RARS2: variants seen among roughly 807,000 people sequenced by gnomAD.
The protein encoded by RARS2 is probable arginine--tRNA ligase, mitochondrial.
In RARS2, 67 loss-of-function variants were observed where a neutral mutation model predicts 88.5. The observed-to-expected ratio is 0.76, with a 90% CI of 0.62 to 0.93. The LOEUF (loss-of-function observed/expected upper bound fraction) is 0.93. Among genes scored for constraint, RARS2 ranks in the 40% least tolerant of loss-of-function variants. The pLI is 0.00. For synonymous variants in RARS2, 239 were observed against 230.3 expected, an observed-to-expected ratio of 1.04 and a Z score of -0.34; for missense variants, 664 against 684.2, an observed-to-expected ratio of 0.97 and a Z score of 0.33.
At chr6:87,580,431 AGT>A (rs1773128229) in intron 1 of RARS2, among the ~76,000 whole-genome samples, 1 of 152,024 alleles carries the variant, frequency 6.6e-6, no homozygotes, top group Non-Finnish European at 1.5e-5. Flanking sequence ...GTCCTTGAGA[AGT>A]AAACTAAACA....
At chr6:87,562,604 C>A (rs764864060) in intron 4 of RARS2, 98 bp downstream of exon 4, 15 of 873,300 alleles carry the variant, frequency 1.7e-5, no homozygotes, top group Non-Finnish European at 2.7e-5. Flanking sequence ...GGTTTTGAGG[C>A]CAGAGGAGGC....
At chr6:87,537,020 A>G (rs139382530) in intron 8 of RARS2, among the ~76,000 whole-genome samples, 137 of 152,364 alleles carry the variant, frequency 9.0e-4, no homozygotes, top group Middle Eastern at 3.4e-3. Flanking sequence ...TGGGTGTTAA[A>G]TATTTTCATC....
intron 3 of RARS2, 117 bp from the exon 4 acceptor site, chr6:87,562,902 T>C (rs1788286448): frequency 1.3e-6 from 1 of 761,682 alleles, no homozygotes; most frequent in South Asian, 1.4e-5. Flanking sequence ...TCATGGTCCC[T>C]ATATCGGGTC....
Position 87,556,453 on chromosome 6 carries a change from C to T in RARS2, c.298-948G>A, listed in dbSNP as rs536546569. ...ACCACCTCAGCCTCCAGAGTAGCTG[C>T]GACTACAGGTACATGCTACCACACC... On this transcript the variant is annotated intron_variant, in intron 4 of 19. Coordinates refer to ENST00000369536, the MANE Select transcript of RARS2 (RefSeq NM_020320.5). 5.3e-5 allele frequency among the ~76,000 whole-genome samples: 8 copies of T among 151,956 alleles called. No individual in the cohort carries two copies. In the South Asian group the frequency reaches 1.2e-3, roughly 24 times the overall value.
intron 12 of RARS2, among the ~76,000 whole-genome samples, chr6:87,520,880 AG>A (rs1245616636): frequency 6.6e-6 from 1 of 152,226 alleles, no homozygotes; most frequent in Admixed American, 6.5e-5. Context: ...GCTGACCACG[AG>A]GGAGTTTGTT....
intron 9 of RARS2, among the ~76,000 whole-genome samples, 189 bp from the exon 10 acceptor site, chr6:87,529,837 C>T (rs1776876406): frequency 6.6e-6 from 1 of 151,940 alleles, no homozygotes; most frequent in Admixed American, 6.6e-5. Context: ...AGGAGGATCA[C>T]TTGCGCCCAG....
intron 1 of RARS2, among the ~76,000 whole-genome samples, chr6:87,571,437 T>C (rs996966755): frequency 1.3e-5 from 2 of 152,138 alleles, no homozygotes; most frequent in African/African-American, 4.8e-5. Context: ...CTAATACACA[T>C]ATGTATATCC....
chr6:87,564,080 T>A (rs1033281851), intron 3 of RARS2, 50 bp downstream of exon 3: 11 of 1,432,476 alleles, frequency 7.7e-6, no homozygotes, highest in Admixed American at 3.4e-5. Flanking sequence ...GTACTTTTTT[T>A]AATAACAAGT....
intron 11 of RARS2, among the ~76,000 whole-genome samples, chr6:87,522,556 T>C (rs1008289817): frequency 1.9e-4 from 29 of 152,180 alleles, no homozygotes; most frequent in African/African-American, 5.3e-4. Context: ...AATTTCTCGA[T>C]CTTTCAAAAT....
chr6:87,576,105 A>G (rs1771439547), intron 1 of RARS2, among the ~76,000 whole-genome samples: 1 of 121,440 alleles, frequency 8.2e-6, no homozygotes, highest in African/African-American at 3.0e-5. Flanking sequence ...CAGCTGGATA[A>G]GTCTTCTTTA....
intron 13 of RARS2, among the ~76,000 whole-genome samples, 183 bp from the exon 14 acceptor site, chr6:87,519,890 C>A (rs1288408027): frequency 1.3e-5 from 2 of 152,172 alleles, no homozygotes; most frequent in Non-Finnish European, 2.9e-5. Flanking sequence ...ACTTTATAAT[C>A]ACCAGCATGT....
rs1775117881 is a variant in RARS2 at position 87,524,767 on chromosome 6, G to A, written c.879-115C>T. 8 of 748,634 alleles carry A rather than the reference G, an allele frequency of 1.1e-5. No homozygotes were observed. In the South Asian group the frequency reaches 1.2e-4, roughly 11 times the overall value. The allele number at this position is 748,634 out of a possible 1,614,324, so 46.4% of individuals were successfully genotyped here. A position where few individuals can be genotyped will look rare whatever the true frequency, so the allele number is the denominator to read the frequency against. The stretch of plus-strand genomic sequence containing the variant: ...ATTTTTATTACCCACGTTGCAATGA[G>A]CAGTGCCAATTCAAGCTTTAATCAA... On this transcript the variant is annotated intron_variant, in intron 10 of 19. Coordinates refer to ENST00000369536, the MANE Select transcript of RARS2 (RefSeq NM_020320.5).
chr6:87,519,081 G>C (rs1772815824), intron 14 of RARS2, 190 bp from the exon 15 acceptor site: 2 of 606,966 alleles, frequency 3.3e-6, no homozygotes, highest in Middle Eastern at 8.8e-4. Context: ...TAAAGGGAAA[G>C]AAATCCAAAT....
At chr6:87,570,046 AAAAAC>A (rs748726237) in intron 1 of RARS2, among the ~76,000 whole-genome samples, 39 of 152,168 alleles carry the variant, frequency 2.6e-4, no homozygotes, top group Admixed American at 7.9e-4. Flanking sequence ...AAAACAGACA[AAAAAC>A]AAAACAAAAC....
In RARS2 at chr6:87,514,362, G is replaced by T; in HGVS notation, c.*51C>A. ...TTATTCTGAACAGCAAGGCATCTCA[G>T]AATAGATAACTAGAATTCACTTGAC... On this transcript the variant is annotated 3_prime_UTR_variant, in exon 20 of 20. Coordinates refer to ENST00000369536, the MANE Select transcript of RARS2 (RefSeq NM_020320.5). 1 of 1,270,698 alleles carries T rather than the reference G, an allele frequency of 7.9e-7. No individual in the cohort carries two copies. Among genetic ancestry groups the T allele is most frequent in the Non-Finnish European group, 1.1e-6 (1 of 869,888 alleles). 78.7% of individuals were successfully genotyped at this position (1,270,698 alleles called of 1,614,324 possible). A position where few individuals can be genotyped will look rare whatever the true frequency, so the allele number is the denominator to read the frequency against.
chr6:87,547,788 C>T (rs1263924036), intron 6 of RARS2, among the ~76,000 whole-genome samples: 1 of 151,830 alleles, frequency 6.6e-6, no homozygotes, highest in Non-Finnish European at 1.5e-5. Context: ...TACAGGTGCA[C>T]ACCATCACAC....
intron 5 of RARS2, 111 bp from the exon 6 acceptor site, chr6:87,548,757 T>C (rs757124349): frequency 4.2e-6 from 4 of 959,486 alleles, no homozygotes; most frequent in South Asian, 3.0e-5. Context: ...CCTTTGGTAT[T>C]AGGGCAAAGA....
rs1773172407 is a variant in RARS2 at position 87,519,596 on chromosome 6, C to T, written c.1224G>A (p.Met408Ile). 1 of 1,612,424 alleles carries T rather than the reference C, an allele frequency of 6.2e-7. No homozygotes were observed. Among genetic ancestry groups the T allele is most frequent in the African/African-American group, 1.3e-5 (1 of 74,870 alleles). Residue 408 changes from methionine to isoleucine, a missense_variant, in exon 14 of 20, where the codon ATG (methionine) becomes ATA (isoleucine). Transcript: ENST00000369536. Reference protein sequence around the residue: ...NEIQLRMLQNMASIKTTKELK... With the variant: ...NEIQLRMLQNIASIKTTKELK... ...AACTGAATTCACTCTTAATTGAAGC[C>T]ATGTTCTGTAGCATCCTTAATTGAA...
intron 4 of RARS2, 152 bp from the exon 5 acceptor site, chr6:87,555,657 T>C: frequency 1.5e-6 from 1 of 654,378 alleles, no homozygotes; most frequent in Non-Finnish European, 2.7e-6. Context: ...CCAGCACCAC[T>C]TTTCTTGTTA....
Sources: gnomAD v4.1 joint callset for allele counts (sites outside exome capture counted in the v4.1 genomes callset) on GRCh38, gnomAD v4.1.1 for gene constraint, MANE v1.5 for transcripts, NCBI Gene and HGNC (gene_info 2026-07-23, HGNC 2026-07-21) for gene names.